The following ATP2B2 variants were observed in gnomAD, a reference collection of about 807,000 sequenced individuals.
The protein encoded by ATP2B2 is plasma membrane calcium-transporting ATPase 2.
ATP2B2 carries 15 observed loss-of-function variants against 120.0 expected under a neutral mutation model. The observed-to-expected ratio is 0.12, with a 90% confidence interval of 0.08 to 0.19. The LOEUF (loss-of-function observed/expected upper bound fraction) is 0.19, where lower values mean the gene tolerates loss of function less well. Ranked by LOEUF, ATP2B2 falls within the 10% of genes least tolerant of loss-of-function variation. The pLI, the probability that ATP2B2 is intolerant of heterozygous loss-of-function variation, is 1.00. For synonymous variants in ATP2B2, 694 were observed against 700.3 expected, an observed-to-expected ratio of 0.99 and a Z score of 0.14; for missense variants, 1,045 against 1,719.8, an observed-to-expected ratio of 0.61 and a Z score of 6.94.
chr3:10,529,837 T>C (rs546871690), intron 3 of ATP2B2, among the ~76,000 whole-genome samples: 5 of 152,258 alleles, frequency 3.3e-5, no homozygotes, highest in African/African-American at 1.2e-4. Context: ...AGGGGATCTT[T>C]GGACACAGAG....
chr3:10,476,415 A>G (rs528358180), intron 1 of ATP2B2, among the ~76,000 whole-genome samples: 1 of 152,350 alleles, frequency 6.6e-6, no homozygotes, highest in South Asian at 2.1e-4. Context: ...TTTTCAATAA[A>G]GGCCGTGTAG....
intron 12 of ATP2B2, among the ~76,000 whole-genome samples, chr3:10,371,263 G>C (rs1323251123): frequency 6.6e-6 from 1 of 152,252 alleles, no homozygotes; most frequent in Non-Finnish European, 1.5e-5. Flanking sequence ...AACAAGCCCA[G>C]GCTAGCCTGC....
chr3:10,537,307 T>C (rs6442178), intron 2 of ATP2B2, among the ~76,000 whole-genome samples: 32,870 of 152,052 alleles, frequency 0.22, 4,477 homozygotes, highest in East Asian at 0.44. Context: ...ATCTTTGCTA[T>C]GTTAAGTCTT....
At chr3:10,617,704 C>T (rs1301476810) in intron 2 of ATP2B2, among the ~76,000 whole-genome samples, 2 of 152,254 alleles carry the variant, frequency 1.3e-5, no homozygotes, top group Non-Finnish European at 2.9e-5. Context: ...GGTCTTCACA[C>T]AGGGACGAGC....
intron 12 of ATP2B2, among the ~76,000 whole-genome samples, chr3:10,365,688 T>C (rs927443713): frequency 6.8e-6 from 1 of 147,972 alleles, no homozygotes; most frequent in Non-Finnish European, 1.5e-5. Context: ...GTGTATATGA[T>C]GTGTTTGGTC....
intron 2 of ATP2B2, among the ~76,000 whole-genome samples, chr3:10,438,991 G>A (rs563047375): frequency 1.3e-5 from 2 of 152,326 alleles, no homozygotes; most frequent in South Asian, 2.1e-4. Context: ...CGCTAAACCC[G>A]ACCTTTGGGA....
intron 14 of ATP2B2, among the ~76,000 whole-genome samples, chr3:10,354,842 C>T (rs1159481878): frequency 6.6e-6 from 1 of 152,208 alleles, no homozygotes. Context: ...TTCCCTCTGG[C>T]TGAGCCTCCT....
At chr3:10,453,344 A>T (rs1364571373) in intron 1 of ATP2B2, among the ~76,000 whole-genome samples, 1 of 152,236 alleles carries the variant, frequency 6.6e-6, no homozygotes, top group African/African-American at 2.4e-5. Flanking sequence ...CAGCACTCAA[A>T]TTATTGTGAT....
upstream of ATP2B2, among the ~76,000 whole-genome samples, chr3:10,509,723 TCTC>T (rs375366907): frequency 3.2e-3 from 480 of 152,048 alleles, 2 homozygotes; most frequent in African/African-American, 0.011. Flanking sequence ...TTGCCCGAAA[TCTC>T]CTCTCCAGTC....
rs188233803 is a variant in ATP2B2, at chr3:10,475,373, G to A, written c.-319-25511C>T. ...CTACTATTGCTCTGTCTTGTTTAATGTTACCACCTGCAGGCTCCTGCAGAA... is the reference window on the plus strand; with the variant it reads ...CTACTATTGCTCTGTCTTGTTTAATATTACCACCTGCAGGCTCCTGCAGAA... On this transcript the variant is annotated intron_variant, in intron 1 of 22. Transcript: ENST00000360273. 2.6e-3 allele frequency among the ~76,000 whole-genome samples: 394 copies of A among 152,320 alleles called. 1 individual carries two copies. The highest frequency in any genetic ancestry group is 4.6e-3 in the Non-Finnish European group (312 of 68,020).
chr3:10,337,363 C>T (rs2060146363), intron 22 of ATP2B2, among the ~76,000 whole-genome samples: 1 of 152,156 alleles, frequency 6.6e-6, no homozygotes, highest in African/African-American at 2.4e-5. Flanking sequence ...GGAGCTCCCA[C>T]TCCAGCTCCC....
chr3:10,388,224 A>T lies in ATP2B2; in HGVS notation c.907+53T>A, dbSNP rs45596135. 84,394 of 1,613,170 alleles carry T rather than the reference A, an allele frequency of 0.052. 2,422 individuals carry two copies. The highest frequency in any genetic ancestry group is 0.059 in the Middle Eastern group (358 of 6,058). ...TGTTGAGTGAACAAATAAACAAAAAAAAAATGTGGCCTTAAGAGCTCCTCT... is the reference window on the plus strand; with the variant it reads ...TGTTGAGTGAACAAATAAACAAAAATAAAATGTGGCCTTAAGAGCTCCTCT... On this transcript the variant is annotated intron_variant, in intron 6 of 22. Coordinates refer to ENST00000360273, the MANE Select transcript of ATP2B2 (RefSeq NM_001001331.4).
chr3:10,638,530 C>T (rs914318361), intron 1 of ATP2B2, among the ~76,000 whole-genome samples: 12 of 152,036 alleles, frequency 7.9e-5, no homozygotes, highest in East Asian at 1.9e-4. Flanking sequence ...TCCAATTAAT[C>T]CCAAAGACAA....
chr3:10,695,253 A>AGGGG (rs200981275), intron 1 of ATP2B2, among the ~76,000 whole-genome samples: 3,298 of 83,762 alleles, frequency 0.039, 144 homozygotes, highest in African/African-American at 0.15. Context: ...GGAGGGAGGG[A>AGGGG]GAGAGAGAGA....
chr3:10,604,527 C>T (rs55985420), intron 2 of ATP2B2, among the ~76,000 whole-genome samples: 4,331 of 152,318 alleles, frequency 0.028, 79 homozygotes, highest in East Asian at 0.058. Flanking sequence ...GTCTGGAATC[C>T]ATAGCTTCTC....
chr3:10,510,698 G>A (rs2066744166), intron 3 of ATP2B2, among the ~76,000 whole-genome samples: 1 of 152,238 alleles, frequency 6.6e-6, no homozygotes, highest in Admixed American at 6.5e-5. Flanking sequence ...TGAGGGATCT[G>A]GTGCCTTTCC....
chr3:10,596,212 A>G (rs2068760821), intron 2 of ATP2B2, among the ~76,000 whole-genome samples: 1 of 152,160 alleles, frequency 6.6e-6, no homozygotes, highest in Admixed American at 6.5e-5. Context: ...CCAGCCCTTC[A>G]ATGGCTTCCA....
rs59097062 is a variant in ATP2B2, at chr3:10,579,810, GAAAAC to G, written c.-415+40102_-415+40106del. 8.2e-3 allele frequency among the ~76,000 whole-genome samples: 1,198 copies of G among 146,316 alleles called. 17 individuals are homozygous for G. Among genetic ancestry groups the G allele is most frequent in the African/African-American group, 0.027 (1,057 of 39,366 alleles). The stretch of plus-strand genomic sequence containing the variant: ...GGGCAACAGAGCGAGACTCCGTCTT[GAAAAC>G]AAAACAAAACAAAACAAAACAAAAC... On this transcript the variant is annotated intron_variant, in intron 2 of 21. Coordinates refer to the ATP2B2 transcript ENST00000646379.
intron 2 of ATP2B2, among the ~76,000 whole-genome samples, chr3:10,612,830 A>G (rs1290938200): frequency 6.6e-6 from 1 of 152,234 alleles, no homozygotes; most frequent in Non-Finnish European, 1.5e-5. Flanking sequence ...ATATGGTTGT[A>G]TAATAAAACT....
Sources: gnomAD v4.1 joint callset for allele counts (sites outside exome capture counted in the v4.1 genomes callset) on GRCh38, gnomAD v4.1.1 for gene constraint, MANE v1.5 for transcripts, NCBI Gene and HGNC (gene_info 2026-07-23, HGNC 2026-07-21) for gene names.